The following PIK3R6 variants were observed in gnomAD, a reference collection of about 807,000 sequenced individuals.
PIK3R6 encodes the protein phosphoinositide-3-kinase regulatory subunit 6, also known as phosphoinositide 3-kinase regulatory subunit 6.
Under a neutral mutation model 84.9 loss-of-function variants are expected in PIK3R6, and 91 were observed. The ratio of observed to expected loss-of-function variants is 1.07; its 90% confidence interval spans 0.90 to 1.28. PIK3R6 has a LOEUF of 1.28. Ranked by LOEUF, PIK3R6 falls within the 50% of genes most tolerant of loss-of-function variation. PIK3R6 has a pLI of 0.00. For synonymous variants in PIK3R6, 416 were observed against 411.4 expected, an observed-to-expected ratio of 1.01 and a Z score of -0.13; for missense variants, 996 against 985.1, an observed-to-expected ratio of 1.01 and a Z score of -0.15.
intron 1 of PIK3R6, among the ~76,000 whole-genome samples, chr17:8,858,689 T>G (rs2089202680): frequency 6.6e-6 from 1 of 152,074 alleles, no homozygotes; most frequent in Non-Finnish European, 1.5e-5. Context: ...GCAGGAGCTA[T>G]CAGTAGGCGA....
At chr17:8,851,193 CAAAAACAA>C (rs1448840173) in intron 1 of PIK3R6, among the ~76,000 whole-genome samples, 2 of 146,446 alleles carry the variant, frequency 1.4e-5, no homozygotes, top group Non-Finnish European at 3.0e-5. Context: ...AAAAAAAAAA[CAAAAACAA>C]AAAAACAAAA....
rs923009793 is a variant in PIK3R6 at position 8,832,872 on chromosome 17, A to G, written c.802+17T>C. 6.2e-7 allele frequency: 1 copy of G among 1,612,112 alleles called. No homozygotes were observed. Among genetic ancestry groups the G allele is most frequent in the Non-Finnish European group, 8.5e-7 (1 of 1,179,618 alleles). On this transcript the variant is annotated intron_variant, in intron 9 of 19. Transcript: ENST00000619866. Reference sequence around the variant, plus strand: ...CGCGGGACTCTTGCCAAGGCCCCCCATCTGCCAGTCGCTTACCACCGCAGC... The same window carrying G: ...CGCGGGACTCTTGCCAAGGCCCCCCGTCTGCCAGTCGCTTACCACCGCAGC...
At chr17:8,822,469 T>C (rs2087769818) in intron 16 of PIK3R6, 118 bp downstream of exon 16, 6 of 1,220,752 alleles carry the variant, frequency 4.9e-6, no homozygotes, top group Non-Finnish European at 7.0e-6. Context: ...TGCGGGCAGC[T>C]TCAAGAAAAG....
intron 9 of PIK3R6, 87 bp downstream of exon 9, chr17:8,832,802 C>G (rs2088297185): frequency 1.9e-6 from 3 of 1,584,290 alleles, no homozygotes; most frequent in Non-Finnish European, 2.6e-6. Context: ...AGAGGCAGGT[C>G]CAGCGCTGCT....
In PIK3R6 at chr17:8,828,600, A is replaced by C; in HGVS notation, c.1280T>G (p.Leu427Arg). Residue 427 changes from leucine to arginine, a missense_variant, in exon 11 of 20, where the codon CTG becomes CGG. Leu to Arg is a moderately radical substitution (Grantham distance 102). Coordinates refer to ENST00000619866, the MANE Select transcript of PIK3R6 (RefSeq NM_001010855.4). ...GTGGTAGGCCTGGGCCAGGCGCCCC[A>C]GCATCCTGTCATCTCCGAGCACAAG... ...RVLVLGDDRM[L>R]GRLAQAYHRL... 5 of 1,613,160 alleles carry C rather than the reference A, an allele frequency of 3.1e-6. No individual in the cohort carries two copies. Among genetic ancestry groups the C allele is most frequent in the Non-Finnish European group, 4.2e-6 (5 of 1,179,624 alleles).
chr17:8,828,247 C>G, intron 11 of PIK3R6, 57 bp from the exon 12 acceptor site: 2 of 1,531,918 alleles, frequency 1.3e-6, no homozygotes, highest in Non-Finnish European at 1.8e-6. Flanking sequence ...TTCAAACAGA[C>G]TCGGCTCTGC....
At chr17:8,837,055 C>A in intron 5 of PIK3R6, 132 bp from the exon 6 acceptor site, 1 of 691,010 alleles carries the variant, frequency 1.4e-6, no homozygotes, top group Non-Finnish European at 2.5e-6. Context: ...GGCCTAACAG[C>A]CAGACCTGGG....
intron 1 of PIK3R6, among the ~76,000 whole-genome samples, chr17:8,858,310 C>CTTTTTTT (rs752142944): frequency 3.1e-5 from 3 of 95,508 alleles, no homozygotes; most frequent in African/African-American, 4.2e-5. Context: ...CTCAATTAAT[C>CTTTTTTT]TTTTTTTTTT....
chr17:8,803,155 C>CT lies in PIK3R6; in HGVS notation c.*117dup, dbSNP rs2087089508. 1 of 1,377,356 alleles carries CT rather than the reference C, an allele frequency of 7.3e-7. No homozygotes were observed. The highest frequency in any genetic ancestry group is 1.3e-5 in the South Asian group (1 of 75,044). 85.3% of individuals were successfully genotyped at this position (1,377,356 alleles called of 1,614,324 possible). A position where few individuals can be genotyped will look rare whatever the true frequency, so the allele number is the denominator to read the frequency against. On this transcript the variant is annotated 3_prime_UTR_variant, in exon 20 of 20. Transcript: ENST00000619866. This position sits in a 1 kb window ranked among gnomAD's most constrained non-coding sequence, Gnocchi z 5.0. The stretch of plus-strand genomic sequence containing the variant: ...CCCTGTGCTCCCAGGCACTCGCTGG[C>CT]TCCTGGTCAAGGCCAAAGCTGCCGT...
chr17:8,820,611 G>C (rs1455081703), intron 17 of PIK3R6, among the ~76,000 whole-genome samples: 1 of 152,204 alleles, frequency 6.6e-6, no homozygotes, highest in East Asian at 1.9e-4. Context: ...AGAGCTGCAG[G>C]TAAAGAGTGT....
chr17:8,845,208 C>T (rs902911125), intron 2 of PIK3R6, among the ~76,000 whole-genome samples: 5 of 152,168 alleles, frequency 3.3e-5, no homozygotes, highest in South Asian at 2.1e-4. Context: ...ATTGCTGGGT[C>T]GAATGGTAGC....
intron 2 of PIK3R6, among the ~76,000 whole-genome samples, chr17:8,847,555 C>T (rs1401955055): frequency 1.3e-5 from 2 of 152,148 alleles, no homozygotes; most frequent in Non-Finnish European, 2.9e-5. Flanking sequence ...AATCCCAGCA[C>T]TTTGGGAGGC....
At position 8,803,949 on chromosome 17, in the gene PIK3R6, T is replaced by C; in HGVS notation, c.2108+92A>G. ...CAGGATCTACCTCCGATGAGGTGCC[T>C]TGAGCTAGAGGCAGGAGATGGCAGG... On this transcript the variant is annotated intron_variant, in intron 19 of 19. Coordinates refer to ENST00000619866, the MANE Select transcript of PIK3R6 (RefSeq NM_001010855.4). This position sits in a 1 kb window ranked among gnomAD's most constrained non-coding sequence, Gnocchi z 5.0. 1 of 1,155,958 alleles carries C rather than the reference T, an allele frequency of 8.7e-7. No homozygotes were observed. The highest frequency in any genetic ancestry group is 1.3e-6 in the Non-Finnish European group (1 of 784,986). 71.6% of individuals were successfully genotyped at this position (1,155,958 alleles called of 1,614,324 possible).
In PIK3R6 at chr17:8,828,754, C is replaced by A. The variant is rs367599248; in HGVS notation, c.1126G>T (p.Ala376Ser). ...GGCATCAAGAAGTCCAGGGGCCATGCACGCTTCTTGATGCCCCCTTTGCGC... is the reference window on the plus strand; with the variant it reads ...GGCATCAAGAAGTCCAGGGGCCATGAACGCTTCTTGATGCCCCCTTTGCGC... ...LQRKGGIKKRAWPLDFLMPGS... is the reference protein window; with the variant it reads ...LQRKGGIKKRSWPLDFLMPGS... Residue 376 changes from alanine (A) to serine (S), a missense_variant, in exon 11 of 20, where the codon GCA becomes TCA. Physicochemically the swap from Ala to Ser is moderately conservative, Grantham distance 99 (BLOSUM62 1). Coordinates refer to ENST00000619866, the MANE Select transcript of PIK3R6 (RefSeq NM_001010855.4). 7.5e-6 allele frequency: 12 copies of A among 1,600,230 alleles called. No individual in the cohort carries two copies. Among genetic ancestry groups the A allele is most frequent in the Non-Finnish European group, 9.4e-6 (11 of 1,171,768 alleles).
At position 8,842,683 on chromosome 17, in the gene PIK3R6, C is replaced by A. The variant is rs998891098; in HGVS notation, c.14-2986G>T. ...TTCTCCAGTTGTCAGACAACACAAA[C>A]CACATGCCCCAAGGGTTCCTCTTTG... On this transcript the variant is annotated intron_variant, in intron 2 of 19. Transcript: ENST00000619866. This position sits in a 1 kb window ranked among gnomAD's most constrained non-coding sequence, Gnocchi z 4.5. Among the ~76,000 whole-genome samples, 11 of 152,008 alleles carry A rather than the reference C, an allele frequency of 7.2e-5. No individual in the cohort carries two copies. The highest frequency in any genetic ancestry group is 1.6e-4 in the Non-Finnish European group (11 of 68,006).
intron 1 of PIK3R6, among the ~76,000 whole-genome samples, chr17:8,865,711 C>T (rs556353607): frequency 6.6e-6 from 1 of 151,998 alleles, no homozygotes; most frequent in Non-Finnish European, 1.5e-5. Context: ...CCCCCTCAAC[C>T]TTTAGCCCTT....
chr17:8,809,428 C>T (rs1414280934), intron 18 of PIK3R6, among the ~76,000 whole-genome samples: 2 of 152,148 alleles, frequency 1.3e-5, no homozygotes, highest in Non-Finnish European at 2.9e-5. Flanking sequence ...ATGACAGGAA[C>T]AAAACCTCAC....
At chr17:8,840,138 TATATAGCCTCCAAATATATATATGAA>T (rs767956982) in intron 2 of PIK3R6, among the ~76,000 whole-genome samples, 7,252 of 138,294 alleles carry the variant, frequency 0.052, 766 homozygotes, top group African/African-American at 0.062. Context: ...ATATGAAATA[TATATAGCCTCCAAATATATATATGAA>T]ATATAGCCTC....
At chr17:8,809,821 G>T (rs1439935629) in intron 18 of PIK3R6, among the ~76,000 whole-genome samples, 1 of 152,072 alleles carries the variant, frequency 6.6e-6, no homozygotes, top group Non-Finnish European at 1.5e-5. Context: ...GGTGGAAAAA[G>T]ATATTTCACA....
Sources: gnomAD v4.1 joint callset for allele counts (sites outside exome capture counted in the v4.1 genomes callset) on GRCh38, gnomAD v4.1.1 for gene constraint, Gnocchi (gnomAD v3.1) non-coding constraint, MANE v1.5 for transcripts, NCBI Gene and HGNC (gene_info 2026-07-23, HGNC 2026-07-21) for gene names.